Variants in RPAP2 observed in about 807,000 individuals in gnomAD.
RPAP2 encodes putative RNA polymerase II subunit B1 CTD phosphatase RPAP2.
In RPAP2, 52 loss-of-function variants were observed where a neutral mutation model predicts 73.1. The ratio of observed to expected loss-of-function variants is 0.71; its 90% CI spans 0.57 to 0.90. The LOEUF is 0.90. Ranked by LOEUF, RPAP2 falls within the 40% of genes least tolerant of loss-of-function variation. The probability of loss-of-function intolerance (pLI) is 0.00; values close to 1 mark genes in which losing one functional copy is unlikely to be tolerated. For synonymous variants in RPAP2, 225 were observed against 242.1 expected, an observed-to-expected ratio of 0.93 and a Z score of 0.65; for missense variants, 598 against 701.8, an observed-to-expected ratio of 0.85 and a Z score of 1.67.
rs1436569397 is a variant in RPAP2, at chr1:92,304,050, C to T, written c.308C>T (p.Pro103Leu). The change falls in exon 4 of 13, where the codon CCT (proline) becomes CTT (leucine). Residue 103 changes from proline (P) to leucine (L), a missense_variant. Coordinates refer to ENST00000610020, the MANE Select transcript of RPAP2 (RefSeq NM_024813.3). ...ERSIVKLCGY[P>L]LCQKKLGIVP... ...TCTATTGTCAAACTCTGTGGTTATC[C>T]TTTATGTCAGAAGAAGCTGGGAATT... 1 of 1,611,678 alleles carries T rather than the reference C, an allele frequency of 6.2e-7. No individual in the cohort carries two copies. The highest frequency in any genetic ancestry group is 1.3e-5 in the African/African-American group (1 of 74,826).
rs945156118 is a variant in RPAP2 at position 92,397,738 on chromosome 1, A to G, written c.*10727A>G. ...ACCCAGGCTTCTTGAGAAAATAGCT[A>G]GGTTCTAAGGCTAGAGCCAAAAAAA... On this transcript the variant is annotated 3_prime_UTR_variant, in exon 13 of 13. Transcript: ENST00000610020. 7 of 152,252 alleles carry G rather than the reference A, an allele frequency of 4.6e-5. No individual in the cohort carries two copies. Among genetic ancestry groups the G allele is most frequent in the African/African-American group, 1.7e-4 (7 of 41,464 alleles). The allele number at this position is 152,252 out of a possible 1,614,324, so 9.4% of individuals were successfully genotyped here.
intron 11 of RPAP2, among the ~76,000 whole-genome samples, chr1:92,367,889 C>G (rs1444368594): frequency 6.6e-6 from 1 of 152,190 alleles, no homozygotes. Flanking sequence ...AAATTATGAA[C>G]GCTCAGGAAA....
chr1:92,305,889 G>A lies in RPAP2; in HGVS notation c.400-1299G>A, dbSNP rs201750493. 2.0e-5 allele frequency among the ~76,000 whole-genome samples: 3 copies of A among 152,146 alleles called. No individual in the cohort carries two copies. The East Asian group carries it at 5.8e-4, about 29-fold the overall frequency. ...TGAGAAATGGCTTGGCATTTGTCTG[G>A]TGAAGTCTTTGCACATTCTCTATAA... On this transcript the variant is annotated intron_variant, in intron 5 of 12. Transcript: ENST00000610020.
intron 12 of RPAP2, among the ~76,000 whole-genome samples, chr1:92,382,772 A>G (rs1403191023): frequency 2.6e-5 from 4 of 152,052 alleles, no homozygotes; most frequent in African/African-American, 9.7e-5. Context: ...CTTTAGTTTA[A>G]TTAGATCCCA....
At chr1:92,356,585 A>ATTT (rs57838216) in intron 11 of RPAP2, among the ~76,000 whole-genome samples, 2 of 51,774 alleles carry the variant, frequency 3.9e-5, no homozygotes, top group East Asian at 1.3e-3. Flanking sequence ...CTCCTGGCTA[A>ATTT]TTTTTTTTTT....
intron 11 of RPAP2, among the ~76,000 whole-genome samples, chr1:92,373,739 TAAAAA>T (rs59586077): frequency 4.0e-4 from 32 of 80,538 alleles, no homozygotes; most frequent in African/African-American, 1.3e-3. Context: ...CTACTAAAAA[TAAAAA>T]AAAAAAAAAA....
At position 92,342,748 on chromosome 1, in the gene RPAP2, C is replaced by A. The variant is rs7514349; in HGVS notation, c.1620-3098C>A. Among the ~76,000 whole-genome samples the A allele has an allele frequency of 8.1e-3, 1,227 of 152,176 alleles. 20 individuals are homozygous for A. Among genetic ancestry groups the A allele is most frequent in the African/African-American group, 0.028 (1,177 of 41,512 alleles). ...TGGAATCATTAGATTTGGTGACTGG[C>A]TGGACATGGGATGTGAGAGAGTCAA... On this transcript the variant is annotated intron_variant, in intron 10 of 12. Transcript: ENST00000610020.
At chr1:92,314,023 T>C (rs1328670961) in intron 6 of RPAP2, among the ~76,000 whole-genome samples, 1 of 152,242 alleles carries the variant, frequency 6.6e-6, no homozygotes, top group Non-Finnish European at 1.5e-5. Context: ...CTTAAGGGAA[T>C]GTTGTAGCTG....
intron 11 of RPAP2, chr1:92,363,781 T>A (rs1478743653): frequency 6.8e-6 from 2 of 292,996 alleles, no homozygotes; most frequent in Non-Finnish European, 1.3e-5. Flanking sequence ...GTAAATATAT[T>A]TTCTCTTCTT....
intron 10 of RPAP2, among the ~76,000 whole-genome samples, chr1:92,339,804 C>G (rs1306647971): frequency 1.3e-5 from 2 of 152,102 alleles, no homozygotes; most frequent in African/African-American, 4.8e-5. Context: ...CTGCCCTTTT[C>G]CTCTTATAAA....
intron 12 of RPAP2, among the ~76,000 whole-genome samples, chr1:92,383,282 G>A (rs1655725459): frequency 6.6e-6 from 1 of 152,182 alleles, no homozygotes; most frequent in South Asian, 2.1e-4. Flanking sequence ...GAACTTTAAA[G>A]TAGTTTTTTC....
intron 11 of RPAP2, among the ~76,000 whole-genome samples, chr1:92,378,820 T>C (rs1227881859): frequency 1.3e-5 from 2 of 152,226 alleles, no homozygotes; most frequent in Non-Finnish European, 2.9e-5. Flanking sequence ...GTAGTCCTAT[T>C]TCTCAGTATG....
chr1:92,357,017 G>T (rs1654503365), intron 11 of RPAP2, among the ~76,000 whole-genome samples: 1 of 151,528 alleles, frequency 6.6e-6, no homozygotes, highest in South Asian at 2.1e-4. Context: ...AGTGAGCTGA[G>T]ATTGTGTCAC....
chr1:92,365,473 T>C (rs1215383392), intron 11 of RPAP2, among the ~76,000 whole-genome samples: 1 of 152,176 alleles, frequency 6.6e-6, no homozygotes, highest in Non-Finnish European at 1.5e-5. Flanking sequence ...TTTTTTAAGT[T>C]CCCCAAGTGA....
At chr1:92,331,594 C>T (rs1050090197) in intron 8 of RPAP2, among the ~76,000 whole-genome samples, 10 of 152,108 alleles carry the variant, frequency 6.6e-5, no homozygotes, top group African/African-American at 2.4e-4. Context: ...GGACAATTAG[C>T]ACCTTAGCAT....
chr1:92,368,397 A>G (rs1008118180), intron 11 of RPAP2, among the ~76,000 whole-genome samples: 1 of 152,086 alleles, frequency 6.6e-6, no homozygotes. Context: ...AAAAAAATCC[A>G]AGTTCGTTAC....
intron 5 of RPAP2, among the ~76,000 whole-genome samples, chr1:92,306,844 G>A (rs1337518771): frequency 6.6e-6 from 1 of 152,074 alleles, no homozygotes; most frequent in African/African-American, 2.4e-5. Context: ...AGATAAGAAT[G>A]TATAACAATA....
chr1:92,337,262 T>G (rs140597553), intron 10 of RPAP2, among the ~76,000 whole-genome samples: 2 of 152,206 alleles, frequency 1.3e-5, no homozygotes, highest in East Asian at 3.9e-4. Flanking sequence ...AAGTGTAAAA[T>G]TACAGTACAG....
chr1:92,307,662 T>C (rs1247168067), intron 6 of RPAP2, among the ~76,000 whole-genome samples: 3 of 152,168 alleles, frequency 2.0e-5, no homozygotes, highest in Non-Finnish European at 2.9e-5. Flanking sequence ...AAAGTTCAGG[T>C]TCATTTAATC....
Sources: allele counts gnomAD v4.1 joint callset (sites outside exome capture counted in the v4.1 genomes callset), GRCh38; gene constraint gnomAD v4.1.1; transcripts MANE v1.5; gene names NCBI Gene and HGNC (gene_info 2026-07-23, HGNC 2026-07-21).